Variants in NELL1 observed in about 807,000 individuals in gnomAD.
The protein encoded by NELL1 is protein kinase C-binding protein NELL1.
Under a neutral mutation model 107.4 loss-of-function variants are expected in NELL1, and 76 were observed. That is an observed-to-expected ratio of 0.71 (90% CI 0.59 to 0.86). The LOEUF is 0.86. NELL1 is among the 40% of genes least tolerant of loss of function. The pLI, the probability that NELL1 is intolerant of heterozygous loss-of-function variation, is 0.00. For synonymous variants in NELL1, 353 were observed against 341.2 expected (o/e 1.03, Z -0.38); for missense variants, 1,024 against 1,005.5 (o/e 1.02, Z -0.25).
intron 17 of NELL1, 105 bp downstream of exon 17, chr11:21,560,487 G>A (rs983204065): frequency 9.8e-7 from 1 of 1,021,250 alleles, no homozygotes; most frequent in African/African-American, 1.6e-5. Flanking sequence ...TGTAGTTCCT[G>A]AACAGGCTTC....
chr11:20,868,670 A>G (rs1468996847), intron 4 of NELL1, among the ~76,000 whole-genome samples: 2 of 152,198 alleles, frequency 1.3e-5, no homozygotes, highest in Non-Finnish European at 2.9e-5. Context: ...CAATAAAGCT[A>G]TTAAAAATCG....
intron 1 of NELL1, among the ~76,000 whole-genome samples, chr11:20,672,201 A>C (rs556394673): frequency 6.6e-6 from 1 of 152,354 alleles, no homozygotes; most frequent in African/African-American, 2.4e-5. Flanking sequence ...TCTGTGCAGA[A>C]ATCATTTCCA....
chr11:20,902,606 CTT>C (rs962302860), intron 5 of NELL1, among the ~76,000 whole-genome samples: 3 of 151,798 alleles, frequency 2.0e-5, no homozygotes, highest in Admixed American at 6.6e-5. Flanking sequence ...GAGCCCAACT[CTT>C]TGGTATAAAC....
At chr11:20,811,506 G>T (rs1857501324) in intron 3 of NELL1, among the ~76,000 whole-genome samples, 1 of 151,962 alleles carries the variant, frequency 6.6e-6, no homozygotes, top group African/African-American at 2.4e-5. Flanking sequence ...GATAGGGATT[G>T]CATGGAATCT....
chr11:20,760,032 C>T (rs1474266928), intron 2 of NELL1, among the ~76,000 whole-genome samples: 2 of 152,232 alleles, frequency 1.3e-5, no homozygotes, highest in African/African-American at 4.8e-5. Context: ...TCTCTCCCTA[C>T]AGGCTACTAT....
At chr11:20,722,894 C>G (rs1855424779) in intron 2 of NELL1, among the ~76,000 whole-genome samples, 1 of 152,100 alleles carries the variant, frequency 6.6e-6, no homozygotes, top group Admixed American at 6.6e-5. Flanking sequence ...TTTTGCTTGG[C>G]TGGGGTGGCC....
chr11:21,352,438 AT>A (rs1196671508), intron 14 of NELL1, among the ~76,000 whole-genome samples: 2 of 151,946 alleles, frequency 1.3e-5, no homozygotes, highest in Admixed American at 6.6e-5. Context: ...TACATAGAAG[AT>A]TTTTTTTAAC....
intron 2 of NELL1, among the ~76,000 whole-genome samples, chr11:20,729,023 C>T (rs992107762): frequency 6.6e-6 from 1 of 152,064 alleles, no homozygotes; most frequent in African/African-American, 2.4e-5. Context: ...CTTTCACCTC[C>T]TTGGCTAGCT....
chr11:21,368,076 C>T lies in NELL1; in HGVS notation c.1550-2777C>T, dbSNP rs192465122. Among the ~76,000 whole-genome samples, 113 of 152,236 alleles carry T rather than the reference C, an allele frequency of 7.4e-4. 1 individual carries two copies. Among genetic ancestry groups the T allele is most frequent in the African/African-American group, 2.6e-3 (108 of 41,568 alleles). ...TATTTTATTACATATTCAAAGAAAG[C>T]TTGAATTGATCTTAATTTCCACAAA... On this transcript the variant is annotated intron_variant, in intron 14 of 19. Coordinates refer to ENST00000357134, the MANE Select transcript of NELL1 (RefSeq NM_006157.5).
intron 13 of NELL1, among the ~76,000 whole-genome samples, chr11:21,140,526 T>G (rs1205079555): frequency 1.3e-5 from 2 of 152,210 alleles, no homozygotes; most frequent in Non-Finnish European, 2.9e-5. Context: ...CTGAAGGTCA[T>G]CTCTCTTGAC....
At position 20,847,739 on chromosome 11, in the gene NELL1, T is replaced by C; in HGVS notation, c.492T>C (p.His164=). ...TTAGCGCCTCTCATCTCCTGCTCCA[T>C]GTCGACTGTAACAGGTATTTCTTTG... ...LSVSASHLLL[H]VDCNRIYERV... is the part of the protein sequence containing the mutation. Residue 164 remains histidine (H), a synonymous_variant, in exon 4 of 20, where the codon CAT becomes CAC. Transcript: ENST00000357134. 1 of 1,611,740 alleles carries C rather than the reference T, an allele frequency of 6.2e-7. No individual in the cohort carries two copies. Among genetic ancestry groups the C allele is most frequent in the Non-Finnish European group, 8.5e-7 (1 of 1,178,922 alleles).
intron 12 of NELL1, among the ~76,000 whole-genome samples, chr11:20,995,148 C>G (rs1056724139): frequency 2.0e-5 from 3 of 151,884 alleles, no homozygotes; most frequent in Non-Finnish European, 4.4e-5. Context: ...CTCCTAATTG[C>G]TGCAGAGAAA....
intron 4 of NELL1, among the ~76,000 whole-genome samples, chr11:20,853,315 G>A (rs60105074): frequency 4.1e-4 from 62 of 152,286 alleles, no homozygotes; most frequent in African/African-American, 1.4e-3. Flanking sequence ...GCGCTCCGTG[G>A]TTTAATCTAG....
chr11:21,523,938 T>C (rs1855788764), intron 15 of NELL1, among the ~76,000 whole-genome samples: 1 of 152,282 alleles, frequency 6.6e-6, no homozygotes, highest in Non-Finnish European at 1.5e-5. Flanking sequence ...TATGTATATG[T>C]ATGCATTTGT....
chr11:20,716,004 C>T (rs1242947976), intron 2 of NELL1, among the ~76,000 whole-genome samples: 1 of 152,212 alleles, frequency 6.6e-6, no homozygotes, highest in Non-Finnish European at 1.5e-5. Flanking sequence ...TCTGTGGGAA[C>T]ACATCTCTAA....
chr11:21,340,885 G>A (rs1225666361), intron 14 of NELL1, among the ~76,000 whole-genome samples: 2 of 152,028 alleles, frequency 1.3e-5, no homozygotes, highest in Non-Finnish European at 2.9e-5. Context: ...ATGCTGTTTA[G>A]CACCAAATTT....
intron 15 of NELL1, among the ~76,000 whole-genome samples, chr11:21,507,707 A>C (rs1483912537): frequency 2.0e-5 from 3 of 152,172 alleles, no homozygotes; most frequent in Non-Finnish European, 2.9e-5. Context: ...AAAGGCGATA[A>C]TGAAAGTAAA....
intron 12 of NELL1, among the ~76,000 whole-genome samples, chr11:20,998,168 C>G (rs758290452): frequency 1.8e-4 from 28 of 151,950 alleles, no homozygotes; most frequent in Non-Finnish European, 3.8e-4. Flanking sequence ...AAGTGAAAAA[C>G]TCTCATATTT....
At chr11:20,780,620 C>G (rs944328082) in intron 2 of NELL1, among the ~76,000 whole-genome samples, 1 of 151,956 alleles carries the variant, frequency 6.6e-6, no homozygotes, top group Admixed American at 6.6e-5. Context: ...ATAATATCAG[C>G]AAATAATAAA....
Sources: gnomAD v4.1 joint callset for allele counts (sites outside exome capture counted in the v4.1 genomes callset) on GRCh38, gnomAD v4.1.1 for gene constraint, MANE v1.5 for transcripts, NCBI Gene and HGNC (gene_info 2026-07-23, HGNC 2026-07-21) for gene names.